Variants in SLC26A8 observed in about 807,000 individuals in gnomAD.
SLC26A8 encodes solute carrier family 26 member 8.
A neutral mutation model predicts 105.0 loss-of-function variants in SLC26A8; 70 were observed. The observed-to-expected ratio is 0.67, with a 90% CI of 0.55 to 0.81. The LOEUF (loss-of-function observed/expected upper bound fraction) is 0.81, where lower values mean the gene tolerates loss of function less well. Ranked by LOEUF, SLC26A8 falls within the 40% of genes least tolerant of loss-of-function variation. The pLI, the probability that SLC26A8 is intolerant of heterozygous loss-of-function variation, is 0.00. For synonymous variants in SLC26A8, 415 were observed against 438.3 expected (o/e 0.95, Z 0.66); for missense variants, 998 against 1,181.8 (o/e 0.84, Z 2.28).
Position 35,962,555 on chromosome 6 carries a change from T to A in SLC26A8, c.1432A>T (p.Ser478Cys). The A allele has an allele frequency of 6.2e-7, 1 of 1,614,084 alleles. No individual in the cohort carries two copies. Among genetic ancestry groups the A allele is most frequent in the Non-Finnish European group, 8.5e-7 (1 of 1,179,996 alleles). Residue 478 changes from serine to cysteine, a missense_variant, in exon 12 of 20, where the codon AGC (serine) becomes TGC (cysteine). Ser to Cys is a moderately radical substitution (Grantham distance 112, BLOSUM62 -1). Coordinates refer to ENST00000490799, the MANE Select transcript of SLC26A8 (RefSeq NM_052961.4). ...TCATATTGGTCCTGCCTCCACAGGC[T>A]GGGTAGGTTAGAAATGGTTTCAAGG... ...PYLETISNLP[S>C]LWRQDQYDCA...
chr6:35,955,745 C>G (rs1018864637), intron 16 of SLC26A8, among the ~76,000 whole-genome samples: 3 of 152,180 alleles, frequency 2.0e-5, no homozygotes, highest in Non-Finnish European at 4.4e-5. Flanking sequence ...CGACACCCCC[C>G]TCCCAACTTC....
Position 36,024,567 on chromosome 6 carries a change from C to T in SLC26A8, c.-66G>A, listed in dbSNP as rs902520364. 1 of 376,248 alleles carries T rather than the reference C, an allele frequency of 2.7e-6. No homozygotes were observed. Among genetic ancestry groups the T allele is most frequent in the Non-Finnish European group, 5.2e-6 (1 of 192,690 alleles). 23.3% of individuals were successfully genotyped at this position (376,248 alleles called of 1,614,324 possible). On this transcript the variant is annotated 5_prime_UTR_variant, in exon 1 of 20. Transcript: ENST00000490799. ...TCCCACACGGCTCTCGCCTGGCTGG[C>T]GGCGCTGCGGACGCGGATACCGGCG...
chr6:35,962,696 C>T, intron 11 of SLC26A8, 75 bp from the exon 12 acceptor site: 1 of 1,421,760 alleles, frequency 7.0e-7, no homozygotes, highest in South Asian at 1.2e-5. Context: ...CAAGGAATCA[C>T]AAAAAGTTAG....
chr6:36,005,507 A>G (rs571229018), intron 3 of SLC26A8, among the ~76,000 whole-genome samples: 3 of 151,994 alleles, frequency 2.0e-5, no homozygotes, highest in Non-Finnish European at 4.4e-5. Context: ...TTTGTCAAAC[A>G]CTCCTCAATT....
chr6:36,015,347 G>A (rs1478392390), intron 2 of SLC26A8, among the ~76,000 whole-genome samples: 2 of 152,102 alleles, frequency 1.3e-5, no homozygotes, highest in South Asian at 2.1e-4. Context: ...TCCTGACCTC[G>A]TGATCTGCCT....
Position 35,959,793 on chromosome 6 carries a change from G to A in SLC26A8, c.1652C>T (p.Pro551Leu), listed in dbSNP as rs1772239852. The part of the protein sequence containing the change: ...INDYREIITI[P>L]GVKIFQCCSS... ...GCAGCACTGGAAGATTTTCACCCCA[G>A]GAATGGTGATGATCTGCAAGACAAA... Residue 551 changes from proline (P) to leucine (L), a missense_variant, in exon 15 of 20, where the codon CCT (proline) becomes CTT (leucine). Physicochemically the swap from Pro to Leu is moderately conservative, Grantham distance 98 (BLOSUM62 -3). Coordinates refer to ENST00000490799, the MANE Select transcript of SLC26A8 (RefSeq NM_052961.4). The A allele has an allele frequency of 1.2e-6, 2 of 1,607,074 alleles. No homozygotes were observed. The highest frequency in any genetic ancestry group is 1.3e-5 in the African/African-American group (1 of 74,432).
chr6:36,009,372 AACAACAACAAC>A (rs1440214421), intron 3 of SLC26A8, among the ~76,000 whole-genome samples: 2 of 151,772 alleles, frequency 1.3e-5, no homozygotes, highest in African/African-American at 4.9e-5. Flanking sequence ...CAACAACAAC[AACAACAACAAC>A]AAACCTGCAC....
intron 3 of SLC26A8, among the ~76,000 whole-genome samples, chr6:36,009,688 G>C (rs1331311864): frequency 6.6e-6 from 1 of 152,182 alleles, no homozygotes; most frequent in Admixed American, 6.5e-5. Context: ...TAGGGATTAA[G>C]AGGAGTTAGG....
intron 9 of SLC26A8, among the ~76,000 whole-genome samples, chr6:35,975,757 T>C (rs1192297922): frequency 3.3e-5 from 5 of 151,494 alleles, no homozygotes; most frequent in African/African-American, 1.2e-4. Context: ...CTACTAAAAA[T>C]ACAAAATTTG....
Position 35,943,710 on chromosome 6 carries a change from G to T in SLC26A8, c.*190C>A. On this transcript the variant is annotated 3_prime_UTR_variant, in exon 20 of 20. Transcript: ENST00000490799. Reference sequence around the variant, plus strand: ...ATAGGGAATTCAGAGATAATTGTTGGCATTTAGTAATGTGATTTGGGAGTA... The same window carrying T: ...ATAGGGAATTCAGAGATAATTGTTGTCATTTAGTAATGTGATTTGGGAGTA... 1.4e-6 allele frequency: 1 copy of T among 737,934 alleles called. No homozygotes were observed. The highest frequency in any genetic ancestry group is 2.1e-6 in the Non-Finnish European group (1 of 474,748). The allele number at this position is 737,934 out of a possible 1,614,324, so 45.7% of individuals were successfully genotyped here. A position where few individuals can be genotyped will look rare whatever the true frequency, so the allele number is the denominator to read the frequency against.
At chr6:35,988,342 AG>A (rs1242768580) in intron 7 of SLC26A8, among the ~76,000 whole-genome samples, 1 of 152,238 alleles carries the variant, frequency 6.6e-6, no homozygotes, top group East Asian at 1.9e-4. Context: ...ATTTTAGAAA[AG>A]AAACAAGAGG....
chr6:36,003,946 C>T (rs1329221789), intron 3 of SLC26A8, among the ~76,000 whole-genome samples: 4 of 152,092 alleles, frequency 2.6e-5, no homozygotes, highest in Non-Finnish European at 5.9e-5. Context: ...CAGGCGTGAG[C>T]CACCATGCCC....
In SLC26A8 at chr6:35,958,734, G is replaced by C. The variant is rs549190090; in HGVS notation, c.1863+726C>G. Among the ~76,000 whole-genome samples the C allele has an allele frequency of 2.2e-4, 34 of 152,224 alleles. 1 individual carries two copies. In the South Asian group the frequency reaches 6.4e-3, roughly 29 times the overall value. On this transcript the variant is annotated intron_variant, in intron 16 of 19. Transcript: ENST00000490799. Reference sequence around the variant, plus strand: ...GGAGGCATTTGTGTGTGTGTGTTGCGGGGGAGGATGTAAATCTTTGTGTAT... The same window carrying C: ...GGAGGCATTTGTGTGTGTGTGTTGCCGGGGAGGATGTAAATCTTTGTGTAT...
chr6:36,014,150 C>T (rs1761935667), intron 2 of SLC26A8, among the ~76,000 whole-genome samples: 1 of 152,172 alleles, frequency 6.6e-6, no homozygotes, highest in African/African-American at 2.4e-5. Context: ...TTATGAGCCT[C>T]TGTGGAGAAG....
intron 2 of SLC26A8, among the ~76,000 whole-genome samples, chr6:36,018,995 C>T (rs145103288): frequency 7.0e-4 from 107 of 152,204 alleles, no homozygotes; most frequent in Admixed American, 1.4e-3. Flanking sequence ...GGCACAATCT[C>T]GACCCACTAC....
chr6:35,966,878 A>G (rs749193985), intron 11 of SLC26A8, among the ~76,000 whole-genome samples: 2 of 152,204 alleles, frequency 1.3e-5, no homozygotes, highest in Non-Finnish European at 2.9e-5. Context: ...TCTGTCCCCA[A>G]CGTGTTTATA....
At chr6:36,022,163 C>T (rs960276371) in intron 1 of SLC26A8, among the ~76,000 whole-genome samples, 13 of 151,924 alleles carry the variant, frequency 8.6e-5, no homozygotes, top group African/African-American at 2.9e-4. Context: ...GACAGGGTTT[C>T]GCCATGTTGG....
intron 7 of SLC26A8, among the ~76,000 whole-genome samples, chr6:35,982,481 T>G (rs544006897): frequency 1.2e-4 from 19 of 152,200 alleles, no homozygotes; most frequent in Non-Finnish European, 2.1e-4. Context: ...AACTTCTGTA[T>G]CCCCATCATC....
Position 35,977,223 on chromosome 6 carries a change from T to C in SLC26A8, c.1154A>G (p.Tyr385Cys). ...LGKKIASLHN[Y>C]SVNSNQDLIA... ...TCTCACCTGGTTGGAATTGACACTG[T>C]AATTGTGAAGACTGGCAATCTTCTT... The change falls in exon 9 of 20, where the codon TAC (tyrosine) becomes TGC (cysteine). Residue 385 changes from tyrosine (Y) to cysteine (C), a missense_variant. Coordinates refer to ENST00000490799, the MANE Select transcript of SLC26A8 (RefSeq NM_052961.4). 1 of 1,614,082 alleles carries C rather than the reference T, an allele frequency of 6.2e-7. No individual in the cohort carries two copies. The highest frequency in any genetic ancestry group is 8.5e-7 in the Non-Finnish European group (1 of 1,180,004).
Sources: gnomAD v4.1 joint callset for allele counts (sites outside exome capture counted in the v4.1 genomes callset) on GRCh38, gnomAD v4.1.1 for gene constraint, MANE v1.5 for transcripts, NCBI Gene and HGNC (gene_info 2026-07-23, HGNC 2026-07-21) for gene names.